CEP120: variants seen among roughly 807,000 people sequenced by gnomAD.
CEP120 encodes the protein centrosomal protein of 120 kDa.
CEP120 carries 113 observed loss-of-function variants against 126.5 expected under a neutral mutation model. That is an observed-to-expected ratio of 0.89 (90% CI 0.77 to 1.04). The LOEUF (loss-of-function observed/expected upper bound fraction) is 1.04. CEP120 is among the 50% of genes least tolerant of loss of function. The pLI, the probability that CEP120 is intolerant of heterozygous loss-of-function variation, is 0.00. For synonymous variants in CEP120, 400 were observed against 394.3 expected (o/e 1.01, Z -0.17); for missense variants, 1,230 against 1,155.7 (o/e 1.06, Z -0.93).
chr5:123,391,411 G>T (rs1307318269), intron 6 of CEP120, 74 bp from the exon 7 acceptor site: 1 of 1,200,240 alleles, frequency 8.3e-7, no homozygotes, highest in African/African-American at 1.5e-5. Flanking sequence ...AACTTAATAA[G>T]AAGTTGTAAA....
chr5:123,391,371 T>C, intron 6 of CEP120, 34 bp from the exon 7 acceptor site: 1 of 1,472,864 alleles, frequency 6.8e-7, no homozygotes, highest in Non-Finnish European at 9.4e-7. Flanking sequence ...AATAGGGCTT[T>C]ATACTTTCTC....
At chr5:123,362,391 C>A (rs1770149025) in intron 18 of CEP120, among the ~76,000 whole-genome samples, 1 of 151,702 alleles carries the variant, frequency 6.6e-6, no homozygotes, top group African/African-American at 2.4e-5. Flanking sequence ...GAGCCTGAGG[C>A]TGGATTCATC....
In CEP120 at chr5:123,367,729, C is replaced by T. The variant is rs578121956; in HGVS notation, c.2482-3135G>A. 3.3e-5 allele frequency among the ~76,000 whole-genome samples: 5 copies of T among 151,896 alleles called. No individual in the cohort carries two copies. In the South Asian group the frequency reaches 1.0e-3, roughly 32 times the overall value. Reference sequence around the variant, plus strand: ...TAAAAAGAATCAACAATTACAGTTGCTAAAACTATATGTTTATGTTAACTT... The same window carrying T: ...TAAAAAGAATCAACAATTACAGTTGTTAAAACTATATGTTTATGTTAACTT... On this transcript the variant is annotated intron_variant, in intron 17 of 19. Coordinates refer to ENST00000306467, the MANE Select transcript of CEP120 (RefSeq NM_001375405.1).
intron 4 of CEP120, 29 bp from the exon 5 acceptor site, chr5:123,399,313 C>T: frequency 6.2e-7 from 1 of 1,606,518 alleles, no homozygotes; most frequent in Non-Finnish European, 8.5e-7. Flanking sequence ...GATTAAACTA[C>T]ATTGTAGTTT....
chr5:123,354,122 TTTCAG>T (rs1769396340), intron 18 of CEP120, among the ~76,000 whole-genome samples: 1 of 152,114 alleles, frequency 6.6e-6, no homozygotes, highest in Non-Finnish European at 1.5e-5. Flanking sequence ...GTGCACTATT[TTTCAG>T]TTCAAAGTAT....
intron 17 of CEP120, among the ~76,000 whole-genome samples, chr5:123,371,156 C>A (rs1770823645): frequency 6.6e-6 from 1 of 151,928 alleles, no homozygotes; most frequent in Non-Finnish European, 1.5e-5. Context: ...TAAAATGTTC[C>A]AACATTTGAA....
chr5:123,400,551 T>C (rs1201792990), intron 4 of CEP120, among the ~76,000 whole-genome samples: 1 of 151,858 alleles, frequency 6.6e-6, no homozygotes, highest in Non-Finnish European at 1.5e-5. Context: ...GAATTGACAA[T>C]ATATATACTG....
At position 123,388,439 on chromosome 5, in the gene CEP120, T is replaced by C. The variant is rs778311900; in HGVS notation, c.1423A>G (p.Ile475Val). 9.1e-6 allele frequency: 14 copies of C among 1,544,870 alleles called. No homozygotes were observed. The African/African-American group carries it at 1.5e-4, about 17-fold the overall frequency. ...AACAAAATCAAATCACACCTTAATA[T>C]ACAGTTGATTGGAAAACCAATCTCC... ...ALEIGFPINC[I>V]LRYSYPFFGS... The change falls in exon 9 of 20, where the codon ATA becomes GTA. Residue 475 changes from isoleucine to valine, a missense_variant. Coordinates refer to ENST00000306467, the MANE Select transcript of CEP120 (RefSeq NM_001375405.1).
chr5:123,401,251 G>C, intron 4 of CEP120: 5 of 1,611,522 alleles, frequency 3.1e-6, no homozygotes, highest in East Asian at 4.5e-5. Flanking sequence ...GCCATGTCCT[G>C]CTTGGCCCGC....
chr5:123,378,533 TAAG>T (rs1771424848), intron 14 of CEP120, 105 bp from the exon 15 acceptor site: 1 of 568,846 alleles, frequency 1.8e-6, no homozygotes, highest in Non-Finnish European at 2.8e-6. Context: ...ACAGAGGACC[TAAG>T]AATAGGAAAG....
Position 123,423,358 on chromosome 5 carries a change from C to A in CEP120, c.-360G>T. 1 of 334,800 alleles carries A rather than the reference C, an allele frequency of 3.0e-6. No individual in the cohort carries two copies. The highest frequency in any genetic ancestry group is 5.5e-6 in the Non-Finnish European group (1 of 180,244). The allele number at this position is 334,800 out of a possible 1,614,324, so 20.7% of individuals were successfully genotyped here. On this transcript the variant is annotated 5_prime_UTR_variant, in exon 1 of 20. Transcript: ENST00000306467. ...GCCGCCGCGCCCAGCTTCCGCCTAG[C>A]AACCAGGCCCGCAGGCCCAGTGCCC... is the stretch of plus-strand genomic sequence containing the variant.
At chr5:123,392,604 G>A (rs752343013) in intron 6 of CEP120, among the ~76,000 whole-genome samples, 18 of 152,160 alleles carry the variant, frequency 1.2e-4, no homozygotes, top group Admixed American at 3.9e-4. Flanking sequence ...TCCAACTTCT[G>A]GACTCAAGCA....
At position 123,423,067 on chromosome 5, in the gene CEP120, TCCGGGACCCCCG is replaced by T; in HGVS notation, c.-81_-70del. On this transcript the variant is annotated 5_prime_UTR_variant, in exon 1 of 20. Transcript: ENST00000306467. ...TGAGGTCCAGTTGAGTCGCGGGTAA[TCCGGGACCCCCG>T]GCGGGACCCCCACTGCCCGCCCCCG... The T allele has an allele frequency of 7.3e-7, 1 of 1,378,494 alleles. No individual in the cohort carries two copies. Among genetic ancestry groups the T allele is most frequent in the East Asian group, 2.3e-5 (1 of 43,486 alleles). The allele number at this position is 1,378,494 out of a possible 1,614,324, so 85.4% of individuals were successfully genotyped here.
intron 9 of CEP120, among the ~76,000 whole-genome samples, chr5:123,387,667 G>A (rs964346755): frequency 4.6e-5 from 7 of 152,044 alleles, no homozygotes; most frequent in Non-Finnish European, 1.0e-4. Flanking sequence ...TAAGTGGACT[G>A]TAACAATTTA....
intron 4 of CEP120, among the ~76,000 whole-genome samples, chr5:123,399,738 CAG>C (rs1338150340): frequency 6.6e-6 from 1 of 152,130 alleles, no homozygotes; most frequent in Non-Finnish European, 1.5e-5. Flanking sequence ...TGCCAGATCA[CAG>C]AGTGAGAACC....
rs539506970 is a variant in CEP120, at chr5:123,352,106, A to C, written c.2581-2017T>G. On this transcript the variant is annotated intron_variant, in intron 18 of 19. Coordinates refer to ENST00000306467, the MANE Select transcript of CEP120 (RefSeq NM_001375405.1). ...TAATGACATTTAGGTATCTTTGTTC[A>C]TAAAGTTCCTATTTAAGCTTTTGGT... Among the ~76,000 whole-genome samples the C allele has an allele frequency of 2.0e-5, 3 of 152,214 alleles. No individual in the cohort carries two copies. In the East Asian group the frequency reaches 5.8e-4, roughly 29 times the overall value.
chr5:123,416,271 G>C, intron 2 of CEP120, 147 bp from the exon 3 acceptor site: 2 of 583,742 alleles, frequency 3.4e-6, no homozygotes, highest in East Asian at 5.8e-5. Flanking sequence ...TCTTCAACAG[G>C]CAAGAACTAG....
rs1771765224 is a variant in CEP120 at position 123,383,027 on chromosome 5, G to C, written c.1819C>G (p.Leu607Val). ...ATAAAAATCTCACGCATTTTTACTA[G>C]TCCATAATCTTCTAGAGTCACTGTG... ...SYTVTLEDYG[L>V]VKMREIFISD... is the part of the protein sequence containing the mutation. The change falls in exon 12 of 20, where the codon CTA becomes GTA. Residue 607 changes from leucine to valine, a missense_variant. Transcript: ENST00000306467. 7 of 1,589,506 alleles carry C rather than the reference G, an allele frequency of 4.4e-6. No individual in the cohort carries two copies. The highest frequency in any genetic ancestry group is 6.0e-6 in the Non-Finnish European group (7 of 1,159,732).
chr5:123,356,898 T>C (rs762109906), intron 18 of CEP120, among the ~76,000 whole-genome samples: 1 of 152,128 alleles, frequency 6.6e-6, no homozygotes, highest in Non-Finnish European at 1.5e-5. Flanking sequence ...CATTGTTCTT[T>C]ACTTTTCTGC....
Sources: allele counts gnomAD v4.1 joint callset (sites outside exome capture counted in the v4.1 genomes callset), GRCh38; gene constraint gnomAD v4.1.1; transcripts MANE v1.5; gene names NCBI Gene and HGNC (gene_info 2026-07-23, HGNC 2026-07-21).